SNX9: variants seen among roughly 807,000 people sequenced by gnomAD.
The protein encoded by SNX9 is sorting nexin 9.
Under a neutral mutation model 89.4 loss-of-function variants are expected in SNX9, and 44 were observed. The observed-to-expected ratio is 0.49, with a 90% confidence interval of 0.39 to 0.63. The LOEUF is 0.63. Among genes scored for constraint, SNX9 ranks in the 30% least tolerant of loss-of-function variants. The pLI is 0.00. For missense variants in SNX9, 578 were observed against 736.1 expected (o/e 0.79, Z 2.49); for synonymous variants, 236 against 247.8 (o/e 0.95, Z 0.45).
intron 9 of SNX9, among the ~76,000 whole-genome samples, chr6:157,916,430 C>A (rs1255664609): frequency 1.3e-5 from 2 of 152,130 alleles, no homozygotes; most frequent in Non-Finnish European, 2.9e-5. Flanking sequence ...CTGTTTCTGC[C>A]TTATTGCACT....
At chr6:157,921,266 A>G (rs535984495) in intron 9 of SNX9, among the ~76,000 whole-genome samples, 43 of 152,296 alleles carry the variant, frequency 2.8e-4, no homozygotes, top group African/African-American at 1.0e-3. Flanking sequence ...TGAGGTTGTC[A>G]TTATTCTTGT....
chr6:157,832,710 C>A (rs931341921), intron 1 of SNX9, among the ~76,000 whole-genome samples: 8 of 152,152 alleles, frequency 5.3e-5, no homozygotes, highest in African/African-American at 1.9e-4. Flanking sequence ...CCTTATAAAA[C>A]CATCAGATCT....
chr6:157,897,816 G>A (rs912093811), intron 5 of SNX9, among the ~76,000 whole-genome samples: 1 of 152,130 alleles, frequency 6.6e-6, no homozygotes, highest in African/African-American at 2.4e-5. Context: ...ATGCCTGGCC[G>A]GCATGATTGA....
In SNX9 at chr6:157,900,866, C is replaced by T. The variant is rs140354558; in HGVS notation, c.473-1032C>T. ...TTACAAACAATCCGTAGAAACAGGACGTGAAGCTAGACAACCTGTTAGACC... is the reference window on the plus strand; with the variant it reads ...TTACAAACAATCCGTAGAAACAGGATGTGAAGCTAGACAACCTGTTAGACC... On this transcript the variant is annotated intron_variant, in intron 5 of 17. Transcript: ENST00000392185. 6.0e-3 allele frequency among the ~76,000 whole-genome samples: 919 copies of T among 152,238 alleles called. 4 individuals carry two copies. Among genetic ancestry groups the T allele is most frequent in the Non-Finnish European group, 8.4e-3 (568 of 68,018 alleles).
At chr6:157,885,514 T>A (rs1256618067) in intron 4 of SNX9, 1 of 152,154 alleles carries the variant, frequency 6.6e-6, no homozygotes, top group Non-Finnish European at 1.5e-5. Flanking sequence ...AGAGTTAAAT[T>A]TTTGTCAGAA....
intron 13 of SNX9, among the ~76,000 whole-genome samples, chr6:157,935,095 G>C (rs1783896667): frequency 6.6e-6 from 1 of 152,150 alleles, no homozygotes. Flanking sequence ...GGAGAATGGT[G>C]GTGGATTAAC....
At chr6:157,828,201 C>G (rs1018572403) in intron 1 of SNX9, among the ~76,000 whole-genome samples, 1 of 136,750 alleles carries the variant, frequency 7.3e-6, no homozygotes, top group East Asian at 2.0e-4. Flanking sequence ...TTCTATGTGT[C>G]TTAAGTAGAG....
intron 4 of SNX9, among the ~76,000 whole-genome samples, chr6:157,894,731 A>G (rs766525075): frequency 2.0e-5 from 3 of 152,240 alleles, no homozygotes; most frequent in Non-Finnish European, 2.9e-5. Flanking sequence ...TCAGCGTGAC[A>G]GTTGTCAGAA....
intron 5 of SNX9, among the ~76,000 whole-genome samples, chr6:157,901,432 C>T (rs551734379): frequency 6.6e-6 from 1 of 152,322 alleles, no homozygotes; most frequent in African/African-American, 2.4e-5. Flanking sequence ...CGCCAAGGAG[C>T]TTTTCCCCTG....
chr6:157,844,830 A>G (rs1459862871), intron 1 of SNX9, among the ~76,000 whole-genome samples: 1 of 151,878 alleles, frequency 6.6e-6, no homozygotes, highest in Non-Finnish European at 1.5e-5. Flanking sequence ...CCTGACCTCA[A>G]ATGATTTACC....
At chr6:157,938,333 A>G (rs1783967477) in intron 15 of SNX9, among the ~76,000 whole-genome samples, 1 of 152,022 alleles carries the variant, frequency 6.6e-6, no homozygotes, top group South Asian at 2.1e-4. Context: ...ATTACGTGCT[A>G]CTCCTCAAAT....
At chr6:157,867,712 C>A in intron 2 of SNX9, 79 bp downstream of exon 2, 2 of 1,155,436 alleles carry the variant, frequency 1.7e-6, no homozygotes, top group Non-Finnish European at 2.4e-6. Context: ...ACTGTACATT[C>A]GAGTCTGATT....
Position 157,928,647 on chromosome 6 carries a change from C to T in SNX9, c.1233C>T (p.Asp411=), listed in dbSNP as rs766485508. Residue 411 remains aspartate (D), a synonymous_variant, in exon 12 of 18, where the codon GAC becomes GAT. Transcript: ENST00000392185. ...GGAAGTTCACCAAGGCCATGGATGA[C>T]GGCGTGAAGGAGCTGCTGACGGTGG... is the stretch of plus-strand genomic sequence containing the variant. The part of the protein sequence containing the change: ...AVGKFTKAMD[D]GVKELLTVGQ... 22 of 1,610,310 alleles carry T rather than the reference C, an allele frequency of 1.4e-5. No individual in the cohort carries two copies. The highest frequency in any genetic ancestry group is 2.2e-5 in the East Asian group (1 of 44,568).
At chr6:157,918,176 C>T (rs9364693) in intron 9 of SNX9, among the ~76,000 whole-genome samples, 7,005 of 152,136 alleles carry the variant, frequency 0.046, 200 homozygotes, top group East Asian at 0.11. Flanking sequence ...AATTTTCTTT[C>T]TAGTTCTATC....
chr6:157,943,038 C>T lies in SNX9; in HGVS notation c.*200C>T. The T allele has an allele frequency of 2.1e-6, 1 of 485,258 alleles. No homozygotes were observed. Among genetic ancestry groups the T allele is most frequent in the South Asian group, 3.7e-5 (1 of 26,884 alleles). The allele number at this position is 485,258 out of a possible 1,614,324, so 30.1% of individuals were successfully genotyped here. A position where few individuals can be genotyped will look rare whatever the true frequency, so the allele number is the denominator to read the frequency against. The stretch of plus-strand genomic sequence containing the variant: ...GATGGTCTTTTGTTCATTTCCGCAT[C>T]CATTATTTAAACCAGTGGAAATTGT... On this transcript the variant is annotated 3_prime_UTR_variant, in exon 18 of 18. Transcript: ENST00000392185.
intron 1 of SNX9, among the ~76,000 whole-genome samples, chr6:157,857,981 A>G (rs1415162738): frequency 2.0e-5 from 3 of 152,174 alleles, no homozygotes; most frequent in Non-Finnish European, 2.9e-5. Flanking sequence ...CTGAGGCTGG[A>G]TAGTCTTAGG....
intron 1 of SNX9, among the ~76,000 whole-genome samples, chr6:157,856,926 G>A (rs924912803): frequency 2.0e-5 from 3 of 151,696 alleles, no homozygotes; most frequent in Non-Finnish European, 2.9e-5. Flanking sequence ...TTTGGGGATT[G>A]AAAAAAATGA....
intron 4 of SNX9, among the ~76,000 whole-genome samples, chr6:157,886,794 A>C (rs1203960612): frequency 6.6e-6 from 1 of 152,244 alleles, no homozygotes; most frequent in East Asian, 1.9e-4. Flanking sequence ...CCAATGAAGA[A>C]AGCATTCCTG....
chr6:157,894,659 T>C (rs1782942569), intron 4 of SNX9, among the ~76,000 whole-genome samples: 1 of 152,164 alleles, frequency 6.6e-6, no homozygotes, highest in Admixed American at 6.5e-5. Context: ...AAAGGAATTA[T>C]GGGAGAGAAA....
Sources: gnomAD v4.1 joint callset for allele counts (sites outside exome capture counted in the v4.1 genomes callset) on GRCh38, gnomAD v4.1.1 for gene constraint, MANE v1.5 for transcripts, NCBI Gene and HGNC (gene_info 2026-07-23, HGNC 2026-07-21) for gene names.